The following ATP8B3 variants were observed in gnomAD, a reference collection of about 807,000 sequenced individuals.
The protein encoded by ATP8B3 is phospholipid-transporting ATPase IK.
In ATP8B3, 141 loss-of-function variants were observed where a neutral mutation model predicts 140.9. The observed-to-expected ratio is 1.00, with a 90% CI of 0.87 to 1.15. ATP8B3 has a LOEUF of 1.15. ATP8B3 is among the 50% of genes most tolerant of loss of function. The pLI, the probability that ATP8B3 is intolerant of heterozygous loss-of-function variation, is 0.00. For synonymous variants in ATP8B3, 765 were observed against 714.6 expected (o/e 1.07, Z -1.13); for missense variants, 1,874 against 1,740.6 (o/e 1.08, Z -1.36).
chr19:1,806,152 C>T lies in ATP8B3; in HGVS notation c.695G>A (p.Trp232Ter). ...LMGKSFKQKK[W>*]QDLCVGDVVC... is the part of the protein sequence containing the mutation. ...CACATCCCCCACGCACAGATCCTGC[C>T]ATTTCTTCTGCTTGAAGCTGCGGGG... Residue 232 changes from tryptophan to a stop codon, truncating the protein, a stop_gained, in exon 8 of 29, where the codon TGG becomes TAG. Transcript: ENST00000310127. LOFTEE classifies it high-confidence loss of function. This position sits in a 1 kb window ranked among gnomAD's most constrained non-coding sequence, Gnocchi z 5.6. 1 of 1,598,286 alleles carries T rather than the reference C, an allele frequency of 6.3e-7. No individual in the cohort carries two copies. Among genetic ancestry groups the T allele is most frequent in the Non-Finnish European group, 8.5e-7 (1 of 1,172,898 alleles).
Position 1,792,127 on chromosome 19 carries a change from G to C in ATP8B3, c.2064C>G (p.Ala688=). Residue 688 remains alanine, a synonymous_variant, in exon 19 of 29, where the codon GCC becomes GCG. Transcript: ENST00000310127. Reference sequence around the variant, plus strand: ...GGCACAGTGTCCGCAGGGTCTCCTGGGCAAAGGCCTGGGGGCCGGGCAGGT... The same window carrying C: ...GGCACAGTGTCCGCAGGGTCTCCTGCGCAAAGGCCTGGGGGCCGGGCAGGT... ...FATEEALAAF[A]QETLRTLCLA... 4 of 1,577,404 alleles carry C rather than the reference G, an allele frequency of 2.5e-6. No homozygotes were observed. The highest frequency in any genetic ancestry group is 3.4e-6 in the Non-Finnish European group (4 of 1,168,672).
At chr19:1,785,334 C>A (rs748310684) in intron 26 of ATP8B3, 37 bp from the exon 27 acceptor site, 3 of 1,562,606 alleles carry the variant, frequency 1.9e-6, no homozygotes, top group Non-Finnish European at 2.6e-6. Context: ...CGGGGCCTAG[C>A]GGGGCTTGCA....
chr19:1,806,245 G>T lies in ATP8B3; in HGVS notation c.678-76C>A. 1 of 1,537,656 alleles carries T rather than the reference G, an allele frequency of 6.5e-7. No homozygotes were observed. The highest frequency in any genetic ancestry group is 2.0e-5 in the Admixed American group (1 of 50,618). ...CCACACCGGGAGACCAGAGGCACGG[G>T]ATGACGGGGGGCCCGCAGCTGCAGT... is the stretch of plus-strand genomic sequence containing the variant. On this transcript the variant is annotated intron_variant, in intron 7 of 28. Coordinates refer to ENST00000310127, the MANE Select transcript of ATP8B3 (RefSeq NM_138813.4). The surrounding 1 kb of genome is among the most constrained non-coding windows in gnomAD (Gnocchi z 5.6).
chr19:1,802,578 G>C lies in ATP8B3; in HGVS notation c.972C>G (p.Asp324Glu). ...TGCCAATGTCCAGGGAGTATTTCTT[G>C]TCATTCCATTCCAGGCACCCCACGA... ...HHFVGCLEWN[D>E]KKYSLDIGNL... is the part of the protein sequence containing the mutation. The change falls in exon 11 of 29, where the codon GAC becomes GAG. Residue 324 changes from aspartate (D) to glutamate (E), a missense_variant. This residue lies in a region of ATP8B3 where 1,032 missense variants were observed against 963.6 expected (regional missense o/e 1.07). Coordinates refer to ENST00000310127, the MANE Select transcript of ATP8B3 (RefSeq NM_138813.4). 6.2e-7 allele frequency: 1 copy of C among 1,611,694 alleles called. No individual in the cohort carries two copies. The highest frequency in any genetic ancestry group is 8.5e-7 in the Non-Finnish European group (1 of 1,179,626).
At chr19:1,799,625 G>A (rs1476907339) in intron 14 of ATP8B3, 2 of 522,436 alleles carry the variant, frequency 3.8e-6, no homozygotes, top group Admixed American at 3.7e-5. Flanking sequence ...AAAATTAGGT[G>A]TGGTGGCAGG....
At position 1,805,665 on chromosome 19, in the gene ATP8B3, C is replaced by T. The variant is rs1276443898; in HGVS notation, c.822-209G>A. Among the ~76,000 whole-genome samples, 1 of 150,104 alleles carries T rather than the reference C, an allele frequency of 6.7e-6. No individual in the cohort carries two copies. The highest frequency in any genetic ancestry group is 1.5e-5 in the Non-Finnish European group (1 of 66,818). On this transcript the variant is annotated intron_variant, in intron 9 of 28. Transcript: ENST00000310127. This position sits in a 1 kb window ranked among gnomAD's most constrained non-coding sequence, Gnocchi z 5.2. ...AAGTGCTGAGGCCAGGGCCTAGGGCCTAGGGCCTCCTGCCCGTATGCACAC... is the reference window on the plus strand; with the variant it reads ...AAGTGCTGAGGCCAGGGCCTAGGGCTTAGGGCCTCCTGCCCGTATGCACAC...
chr19:1,793,486 C>T (rs1025213895), intron 18 of ATP8B3, among the ~76,000 whole-genome samples: 2 of 152,196 alleles, frequency 1.3e-5, no homozygotes, highest in Non-Finnish European at 2.9e-5. Flanking sequence ...CCCCCAGTCC[C>T]AGGCCCCTCC....
chr19:1,811,534 T>G lies in ATP8B3; in HGVS notation c.203A>C (p.Lys68Thr), dbSNP rs753888911. The change falls in exon 2 of 29, where the codon AAG becomes ACG. Residue 68 changes from lysine (K) to threonine (T), a missense_variant. Transcript: ENST00000310127. The part of the protein sequence containing the change: ...PGRGAPERRH[K>T]AQPGRARKYE... ...CTTCCTAGCCCGGCCAGGCTGGGCC[T>G]TGTGCCTCCTCTCAGGTGCCCCTCT... 1 of 1,612,306 alleles carries G rather than the reference T, an allele frequency of 6.2e-7. No homozygotes were observed. The highest frequency in any genetic ancestry group is 1.7e-5 in the Admixed American group (1 of 59,976).
rs201814416 is a variant in ATP8B3 at position 1,796,804 on chromosome 19, G to T, written c.1660C>A (p.Arg554=). The change falls in exon 16 of 29, where the codon CGG becomes AGG. Residue 554 remains arginine, a synonymous_variant. Transcript: ENST00000310127. ...CGCACGGCCTCGTCCCCGTTGGTCC[G>T]CACGAGGTGCAGCAGGGCCGCATTG... is the stretch of plus-strand genomic sequence containing the variant. ...FHNAALLHLV[R]TNGDEAVREF... is the part of the protein sequence containing the mutation. The T allele has an allele frequency of 6.2e-7, 1 of 1,612,498 alleles. No homozygotes were observed. The highest frequency in any genetic ancestry group is 1.1e-5 in the South Asian group (1 of 91,054).
rs766444534 is a variant in ATP8B3, at chr19:1,789,443, C to A, written c.2763G>T (p.Leu921=). 2 of 1,598,330 alleles carry A rather than the reference C, an allele frequency of 1.3e-6. No homozygotes were observed. The highest frequency in any genetic ancestry group is 1.7e-6 in the Non-Finnish European group (2 of 1,178,942). Residue 921 remains leucine (L), a synonymous_variant, in exon 23 of 29, where the codon CTG becomes CTT. Coordinates refer to ENST00000310127, the MANE Select transcript of ATP8B3 (RefSeq NM_138813.4). ...GGTACTTCTTGACCAGGGCCACGAT[C>A]AGGGCCTTCTGCTTGGGCGTCACGC... The part of the protein sequence containing the change: ...CCRVTPKQKA[L]IVALVKKYHQ...
chr19:1,785,390 C>T, intron 26 of ATP8B3, 79 bp downstream of exon 26: 1 of 1,563,922 alleles, frequency 6.4e-7, no homozygotes, highest in South Asian at 1.2e-5. Context: ...CTGGCAATGC[C>T]CCCAAAGCAG....
At position 1,789,356 on chromosome 19, in the gene ATP8B3, C is replaced by T. The variant is rs1304579233; in HGVS notation, c.2845+5G>A. On this transcript the variant is annotated splice_donor_5th_base_variant and intron_variant, in intron 23 of 28. Coordinates refer to ENST00000310127, the MANE Select transcript of ATP8B3 (RefSeq NM_138813.4). ...GGCACCCCCAGCCCCGCCGCCGCCA[C>T]CCACTCTTGATCATGTTGATGTCGT... 8 of 1,528,062 alleles carry T rather than the reference C, an allele frequency of 5.2e-6. No individual in the cohort carries two copies. The African/African-American group carries it at 9.7e-5, about 19-fold the overall frequency. The allele number at this position is 1,528,062 out of a possible 1,614,324, so 94.7% of individuals were successfully genotyped here.
chr19:1,790,637 T>TC, intron 21 of ATP8B3, 120 bp downstream of exon 21: 1 of 77,518 alleles, frequency 1.3e-5, no homozygotes, highest in Non-Finnish European at 2.4e-5. Flanking sequence ...TTCCCTCCCC[T>TC]CTCAATCCCC....
intron 18 of ATP8B3, among the ~76,000 whole-genome samples, chr19:1,793,877 A>G (rs142903733): frequency 2.1e-3 from 315 of 148,216 alleles, no homozygotes; most frequent in African/African-American, 7.4e-3. Context: ...CGAGTAGCTG[A>G]GACTACAGGC....
In ATP8B3 at chr19:1,792,741, G is replaced by A. The variant is rs543066187; in HGVS notation, c.2056-606C>T. 2.5e-4 allele frequency among the ~76,000 whole-genome samples: 38 copies of A among 151,856 alleles called. No homozygotes were observed. In the South Asian group the frequency reaches 6.0e-3, roughly 24 times the overall value. On this transcript the variant is annotated intron_variant, in intron 18 of 28. Coordinates refer to ENST00000310127, the MANE Select transcript of ATP8B3 (RefSeq NM_138813.4). The stretch of plus-strand genomic sequence containing the variant: ...AGCTTAACCAATACGGTGAAACCGC[G>A]TCTCCACTCGAAACACATAAAAAAT...
At chr19:1,790,041 C>T in intron 21 of ATP8B3, 52 bp from the exon 22 acceptor site, 2 of 1,409,152 alleles carry the variant, frequency 1.4e-6, no homozygotes, top group Non-Finnish European at 2.0e-6. Flanking sequence ...CTTCTCCCCA[C>T]TTCCCCGGGG....
At chr19:1,785,740 T>TG (rs747764305) in intron 25 of ATP8B3, 32 bp from the exon 26 acceptor site, 4 of 960,020 alleles carry the variant, frequency 4.2e-6, no homozygotes, top group Middle Eastern at 2.2e-4. Flanking sequence ...TGGGATTGGG[T>TG]GGGGGGCGGG....
At position 1,793,495 on chromosome 19, in the gene ATP8B3, C is replaced by G. The variant is rs559808499; in HGVS notation, c.2056-1360G>C. Among the ~76,000 whole-genome samples, 4 of 152,314 alleles carry G rather than the reference C, an allele frequency of 2.6e-5. No homozygotes were observed. The East Asian group carries it at 7.7e-4, about 29-fold the overall frequency. On this transcript the variant is annotated intron_variant, in intron 18 of 28. Coordinates refer to ENST00000310127, the MANE Select transcript of ATP8B3 (RefSeq NM_138813.4). Reference sequence around the variant, plus strand: ...GGGGCTCCCCCAGTCCCAGGCCCCTCCCTCTGACCCCTCAACTTTGGCTCT... The same window carrying G: ...GGGGCTCCCCCAGTCCCAGGCCCCTGCCTCTGACCCCTCAACTTTGGCTCT...
intron 14 of ATP8B3, 44 bp from the exon 15 acceptor site, chr19:1,797,049 C>A: frequency 6.2e-7 from 1 of 1,612,398 alleles, no homozygotes; most frequent in Non-Finnish European, 8.5e-7. Flanking sequence ...CACAGGCCCC[C>A]CATTCGGGAT....
Sources: gnomAD v4.1 joint callset for allele counts (sites outside exome capture counted in the v4.1 genomes callset) on GRCh38, gnomAD v4.1.1 for gene constraint, gnomAD v4.1.1 regional missense constraint, Gnocchi (gnomAD v3.1) non-coding constraint, MANE v1.5 for transcripts, NCBI Gene and HGNC (gene_info 2026-07-23, HGNC 2026-07-21) for gene names.